The following NFATC1 variants were observed in gnomAD, a reference collection of about 807,000 sequenced individuals.
NFATC1 encodes the protein nuclear factor of activated T-cells, cytoplasmic 1.
Under a neutral mutation model 76.0 loss-of-function variants are expected in NFATC1, and 22 were observed. That is an observed-to-expected ratio of 0.29 (90% CI 0.21 to 0.41). The LOEUF is 0.41. NFATC1 is among the 10% of genes least tolerant of loss of function. The pLI, the probability that NFATC1 is intolerant of heterozygous loss-of-function variation, is 1.00. For synonymous variants in NFATC1, 704 were observed against 613.1 expected (o/e 1.15, Z -2.19); for missense variants, 1,357 against 1,337.7 (o/e 1.01, Z -0.23).
chr18:79,426,140 A>C (rs2086320143), intron 2 of NFATC1, among the ~76,000 whole-genome samples: 1 of 151,878 alleles, frequency 6.6e-6, no homozygotes, highest in Non-Finnish European at 1.5e-5. Flanking sequence ...AGGCCACTGC[A>C]CTCTAGCCTG....
intron 8 of NFATC1, among the ~76,000 whole-genome samples, chr18:79,474,638 TCACA>T (rs1326672291): frequency 2.4e-4 from 35 of 147,738 alleles, no homozygotes; most frequent in South Asian, 1.1e-3. Context: ...AAGTGTGTTC[TCACA>T]CTCACTGTCA....
intron 1 of NFATC1, among the ~76,000 whole-genome samples, chr18:79,407,247 C>T (rs1458697714): frequency 3.3e-5 from 5 of 152,130 alleles, no homozygotes; most frequent in South Asian, 2.1e-4. Context: ...AGCCTGGGGG[C>T]GGGGGGCACA....
chr18:79,413,992 C>T (rs2085789122), intron 2 of NFATC1, among the ~76,000 whole-genome samples: 1 of 152,222 alleles, frequency 6.6e-6, no homozygotes, highest in Non-Finnish European at 1.5e-5. Context: ...AAATATGTCC[C>T]AAACTCGCTC....
At chr18:79,504,570 G>C (rs1461060618) in intron 9 of NFATC1, among the ~76,000 whole-genome samples, 1 of 152,254 alleles carries the variant, frequency 6.6e-6, no homozygotes, top group East Asian at 1.9e-4. Context: ...AGAAAGCTTG[G>C]AACATCATGA....
intron 1 of NFATC1, among the ~76,000 whole-genome samples, chr18:79,396,792 T>A (rs2085020447): frequency 6.6e-6 from 1 of 151,186 alleles, no homozygotes; most frequent in Middle Eastern, 3.3e-3. Flanking sequence ...GTTTGGGGGT[T>A]CTGCGCCCCC....
chr18:79,409,783 G>A (rs547723409), intron 1 of NFATC1, among the ~76,000 whole-genome samples: 25 of 152,336 alleles, frequency 1.6e-4, no homozygotes, highest in Admixed American at 5.9e-4. Context: ...TGAAAACAGC[G>A]GTGAGCAGAA....
chr18:79,457,555 A>G (rs949030185), intron 6 of NFATC1, among the ~76,000 whole-genome samples: 10 of 152,272 alleles, frequency 6.6e-5, no homozygotes, highest in African/African-American at 2.4e-4. Flanking sequence ...TTTTTATATC[A>G]GCTTTATCGA....
At chr18:79,496,124 C>T (rs2089879304) in intron 9 of NFATC1, 1 of 152,478 alleles carries the variant, frequency 6.6e-6, no homozygotes. Flanking sequence ...TGTTTTCCTC[C>T]TACAGATGAT....
chr18:79,466,960 C>T (rs550616287), intron 7 of NFATC1, among the ~76,000 whole-genome samples: 7 of 152,324 alleles, frequency 4.6e-5, no homozygotes, highest in African/African-American at 1.7e-4. Flanking sequence ...GCAGGCAGAG[C>T]CTTTTGCATC....
rs978622624 is a variant in NFATC1, at chr18:79,452,096, G to C, written c.1903+280G>C. ...CTGCTGATACTCAGGGAGCCCACGGGCTGGGGACGCAGAGGAGGGCAAGAC... is the reference window on the plus strand; with the variant it reads ...CTGCTGATACTCAGGGAGCCCACGGCCTGGGGACGCAGAGGAGGGCAAGAC... On this transcript the variant is annotated intron_variant, in intron 6 of 9. Coordinates refer to ENST00000427363, the MANE Select transcript of NFATC1 (RefSeq NM_001278669.2). 9.6e-6 allele frequency: 3 copies of C among 312,224 alleles called. No individual in the cohort carries two copies. In the South Asian group the frequency reaches 2.1e-4, roughly 22 times the overall value. The allele number at this position is 312,224 out of a possible 1,614,324, so 19.3% of individuals were successfully genotyped here.
At chr18:79,475,169 CGTT>C (rs1444614438) in intron 8 of NFATC1, among the ~76,000 whole-genome samples, 18 of 145,666 alleles carry the variant, frequency 1.2e-4, no homozygotes, top group East Asian at 4.0e-4. Context: ...TCACTGTCGA[CGTT>C]GTAAACCTGA....
chr18:79,451,915 G>A (rs1229662221), intron 6 of NFATC1, 99 bp downstream of exon 6: 13 of 1,430,638 alleles, frequency 9.1e-6, no homozygotes, highest in Middle Eastern at 2.1e-4. Context: ...CACGGTCACC[G>A]GGACGGGGCT....
intron 9 of NFATC1, among the ~76,000 whole-genome samples, chr18:79,503,544 C>T (rs750875002): frequency 2.6e-5 from 4 of 152,162 alleles, no homozygotes; most frequent in Admixed American, 6.5e-5. Context: ...TGCCGTCATC[C>T]GGGCTTTGTC....
intron 2 of NFATC1, among the ~76,000 whole-genome samples, chr18:79,413,924 G>A (rs1351418932): frequency 4.6e-5 from 7 of 152,172 alleles, no homozygotes; most frequent in African/African-American, 9.7e-5. Flanking sequence ...GCTGCAGAGC[G>A]CCCAGTTAGG....
At chr18:79,423,722 C>G (rs1313470987) in intron 2 of NFATC1, among the ~76,000 whole-genome samples, 1 of 152,218 alleles carries the variant, frequency 6.6e-6, no homozygotes, top group Non-Finnish European at 1.5e-5. Context: ...TGTTCCCACC[C>G]TGGCCCCAGT....
intron 9 of NFATC1, among the ~76,000 whole-genome samples, chr18:79,507,766 G>A (rs1369050910): frequency 6.6e-6 from 1 of 152,260 alleles, no homozygotes; most frequent in East Asian, 1.9e-4. Flanking sequence ...CTCGCCCTCT[G>A]AAATAGTAAA....
At position 79,528,858 on chromosome 18, in the gene NFATC1, T is replaced by G. The variant is rs2090833074; in HGVS notation, c.*1281T>G. The G allele has an allele frequency of 6.6e-6, 1 of 152,592 alleles. No individual in the cohort carries two copies. Among genetic ancestry groups the G allele is most frequent in the Non-Finnish European group, 1.5e-5 (1 of 68,044 alleles). 9.5% of individuals were successfully genotyped at this position (152,592 alleles called of 1,614,324 possible). A position where few individuals can be genotyped will look rare whatever the true frequency, so the allele number is the denominator to read the frequency against. On this transcript the variant is annotated 3_prime_UTR_variant, in exon 10 of 10. Transcript: ENST00000427363. ...CAATTAGTTGCTTATTACGTATGAT[T>G]ACTCACAGCGATCTATTGTTCCATA...
intron 3 of NFATC1, among the ~76,000 whole-genome samples, chr18:79,442,865 C>T (rs1021088212): frequency 1.3e-5 from 2 of 152,018 alleles, no homozygotes. Flanking sequence ...CACTCCCACC[C>T]GGACAGCTCC....
intron 8 of NFATC1, among the ~76,000 whole-genome samples, chr18:79,474,702 T>C (rs1407101852): frequency 1.5e-5 from 2 of 135,590 alleles, no homozygotes; most frequent in Non-Finnish European, 3.1e-5. Context: ...GTCGACGTTG[T>C]GAGGGAAGCG....
Sources: allele counts gnomAD v4.1 joint callset (sites outside exome capture counted in the v4.1 genomes callset), GRCh38; gene constraint gnomAD v4.1.1; transcripts MANE v1.5; gene names NCBI Gene and HGNC (gene_info 2026-07-23, HGNC 2026-07-21).